Variants in ADCY5 observed in about 807,000 individuals in gnomAD.
The protein encoded by ADCY5 is adenylate cyclase 5, also known as adenylate cyclase type 5.
A neutral mutation model predicts 119.7 loss-of-function variants in ADCY5; 30 were observed. That is an observed-to-expected ratio of 0.25 (90% CI 0.19 to 0.34). ADCY5 has a LOEUF of 0.34. Among genes scored for constraint, ADCY5 ranks in the 10% least tolerant of loss-of-function variants. The probability of loss-of-function intolerance (pLI) is 1.00; values close to 1 mark genes in which losing one functional copy is unlikely to be tolerated. For synonymous variants in ADCY5, 753 were observed against 762.2 expected, an observed-to-expected ratio of 0.99 and a Z score of 0.20; for missense variants, 1,324 against 1,775.2, an observed-to-expected ratio of 0.75 and a Z score of 4.57.
At chr3:123,381,282 G>A (rs570838918) in intron 1 of ADCY5, among the ~76,000 whole-genome samples, 18 of 152,302 alleles carry the variant, frequency 1.2e-4, no homozygotes, top group African/African-American at 4.3e-4. Flanking sequence ...CAGGAGCTTG[G>A]CATCTGCTTC....
Position 123,408,654 on chromosome 3 carries a change from TA to T in ADCY5, c.1134+38757del, listed in dbSNP as rs1263526009. On this transcript the variant is annotated intron_variant, in intron 1 of 20. Coordinates refer to ENST00000462833, the MANE Select transcript of ADCY5 (RefSeq NM_183357.3). ...CTGGGCGACAGAGCAAGATTGCATC[TA>T]AAAAAAAAAAAAAGCAGACACAAAG... 6.1e-3 allele frequency among the ~76,000 whole-genome samples: 743 copies of T among 122,164 alleles called. 2 individuals are homozygous for T. Among genetic ancestry groups the T allele is most frequent in the East Asian group, 9.5e-3 (42 of 4,428 alleles). 80.1% of individuals were successfully genotyped at this position (122,164 alleles called of 152,430 possible).
intron 18 of ADCY5, among the ~76,000 whole-genome samples, chr3:123,290,391 G>A (rs368922466): frequency 3.3e-5 from 5 of 152,252 alleles, no homozygotes; most frequent in African/African-American, 1.2e-4. Context: ...ACTGCCCCGG[G>A]AGTCTTGCAG....
In ADCY5 at chr3:123,284,670, T is replaced by C. The variant is rs779498494; in HGVS notation, c.3724A>G (p.Lys1242Glu). The change falls in exon 21 of 21, where the codon AAG (lysine) becomes GAG (glutamate). Residue 1242 changes from lysine (K) to glutamate (E), a missense_variant. Around this residue, in one of 6 missense-constraint regions of ADCY5, gnomAD observed 178 missense variants for 329.6 expected, o/e 0.54. Transcript: ENST00000462833. ...ATCATCTCGCCTTTGCCCTTGACCT[T>C]GACCACGCCCCGGCACTCCAGCTGG... ...TYQLECRGVV[K>E]VKGKGEMMTY... is the part of the protein sequence containing the mutation. 11 of 1,614,206 alleles carry C rather than the reference T, an allele frequency of 6.8e-6. No homozygotes were observed. The highest frequency in any genetic ancestry group is 8.5e-6 in the Non-Finnish European group (10 of 1,180,034).
intron 3 of ADCY5, among the ~76,000 whole-genome samples, chr3:123,343,630 C>T (rs1430507926): frequency 7.2e-5 from 11 of 152,168 alleles, no homozygotes. Flanking sequence ...CTCCCCTCCC[C>T]AGGCAGAGCT....
rs1945880376 is a variant in ADCY5 at position 123,448,881 on chromosome 3, G to A, written c.-336C>T. 4.2e-6 allele frequency: 1 copy of A among 240,910 alleles called. No homozygotes were observed. Among genetic ancestry groups the A allele is most frequent in the Non-Finnish European group, 8.0e-6 (1 of 125,766 alleles). 14.9% of individuals were successfully genotyped at this position (240,910 alleles called of 1,614,324 possible). ...TCCTGGCTCGCGTCGAGCTCGACGA[G>A]GGCCGGAGTTGCGGACGAGACGGGA... On this transcript the variant is annotated 5_prime_UTR_variant, in exon 1 of 21. Transcript: ENST00000462833.
chr3:123,353,434 G>A (rs1942916885), intron 1 of ADCY5, among the ~76,000 whole-genome samples: 1 of 152,198 alleles, frequency 6.6e-6, no homozygotes, highest in African/African-American at 2.4e-5. Flanking sequence ...AGAGCTCCTG[G>A]ATATCTGAGT....
At chr3:123,287,635 A>G (rs1296019462) in intron 19 of ADCY5, among the ~76,000 whole-genome samples, 1 of 152,220 alleles carries the variant, frequency 6.6e-6, no homozygotes, top group African/African-American at 2.4e-5. Context: ...CTTGGTCAGC[A>G]ATGCCATCAG....
chr3:123,409,656 C>G (rs561028689), intron 1 of ADCY5, among the ~76,000 whole-genome samples: 2 of 152,328 alleles, frequency 1.3e-5, no homozygotes, highest in South Asian at 4.1e-4. Context: ...AATTATTGGG[C>G]TCCACCTCTG....
At chr3:123,328,061 C>A (rs527309451) in intron 6 of ADCY5, among the ~76,000 whole-genome samples, 1 of 152,306 alleles carries the variant, frequency 6.6e-6, no homozygotes, top group South Asian at 2.1e-4. Context: ...CACTCCTGCT[C>A]AGAAGCCAGC....
chr3:123,373,593 G>T (rs960803238), intron 1 of ADCY5, among the ~76,000 whole-genome samples: 2 of 152,236 alleles, frequency 1.3e-5, no homozygotes, highest in Admixed American at 6.5e-5. Flanking sequence ...ACAAAGGAGT[G>T]AGTCAGGTCC....
At chr3:123,310,167 C>T (rs973298986) in intron 12 of ADCY5, among the ~76,000 whole-genome samples, 2 of 149,592 alleles carry the variant, frequency 1.3e-5, no homozygotes, top group African/African-American at 4.9e-5. Context: ...CAGCTGAGTT[C>T]CCCCACAGGG....
At chr3:123,433,779 T>A (rs1042234665) in intron 1 of ADCY5, among the ~76,000 whole-genome samples, 1 of 152,130 alleles carries the variant, frequency 6.6e-6, no homozygotes, top group African/African-American at 2.4e-5. Flanking sequence ...CCTGTCCCAC[T>A]TATGCCACCA....
chr3:123,310,349 G>C (rs1940494680), intron 12 of ADCY5, among the ~76,000 whole-genome samples: 1 of 152,168 alleles, frequency 6.6e-6, no homozygotes, highest in African/African-American at 2.4e-5. Context: ...TTCACCGGAT[G>C]ATGAGGCAGG....
At chr3:123,291,734 A>G (rs1309806530) in intron 17 of ADCY5, among the ~76,000 whole-genome samples, 1 of 152,162 alleles carries the variant, frequency 6.6e-6, no homozygotes, top group East Asian at 1.9e-4. Flanking sequence ...TGGAAGGGAA[A>G]AGGATCCAAA....
intron 1 of ADCY5, among the ~76,000 whole-genome samples, chr3:123,445,941 G>C (rs912596958): frequency 6.6e-6 from 1 of 152,182 alleles, no homozygotes; most frequent in Non-Finnish European, 1.5e-5. Context: ...CTGTGCCTCT[G>C]ACTCTATTGT....
At position 123,284,222 on chromosome 3, in the gene ADCY5, G is replaced by A. The variant is rs181346430; in HGVS notation, c.*386C>T. 27 of 178,252 alleles carry A rather than the reference G, an allele frequency of 1.5e-4. No individual in the cohort carries two copies. The East Asian group carries it at 4.0e-3, about 27-fold the overall frequency. 11.0% of individuals were successfully genotyped at this position (178,252 alleles called of 1,614,324 possible). ...CCCTAGGCTCTCCCAGGCCACATTC[G>A]AGCCCGTCTACCCCCAGCTGAGTCG... On this transcript the variant is annotated 3_prime_UTR_variant, in exon 21 of 21. Transcript: ENST00000462833.
intron 1 of ADCY5, among the ~76,000 whole-genome samples, chr3:123,384,357 T>A (rs964327968): frequency 6.6e-6 from 1 of 152,166 alleles, no homozygotes; most frequent in Non-Finnish European, 1.5e-5. Flanking sequence ...ACCAAAAACA[T>A]GGAGCTACAG....
At chr3:123,395,046 A>G (rs1050037570) in intron 1 of ADCY5, among the ~76,000 whole-genome samples, 1 of 152,192 alleles carries the variant, frequency 6.6e-6, no homozygotes, top group Non-Finnish European at 1.5e-5. Context: ...GACCCTTTGG[A>G]CAGTCCCCAC....
Position 123,328,887 on chromosome 3 carries a change from T to C in ADCY5, c.1647-85A>G, listed in dbSNP as rs1009640473. 2.2e-5 allele frequency: 31 copies of C among 1,401,960 alleles called. No homozygotes were observed. The Admixed American group carries it at 3.5e-4, about 16-fold the overall frequency. 86.8% of individuals were successfully genotyped at this position (1,401,960 alleles called of 1,614,324 possible). A position where few individuals can be genotyped will look rare whatever the true frequency, so the allele number is the denominator to read the frequency against. Reference sequence around the variant, plus strand: ...GGTGAGGCTGCAGGTGCAGGGAAGGTGAAGGTGCGGGGGTCAAAGAGTCTT... The same window carrying C: ...GGTGAGGCTGCAGGTGCAGGGAAGGCGAAGGTGCGGGGGTCAAAGAGTCTT... On this transcript the variant is annotated intron_variant, in intron 5 of 20. Transcript: ENST00000462833.
Sources: gnomAD v4.1 joint callset for allele counts (sites outside exome capture counted in the v4.1 genomes callset) on GRCh38, gnomAD v4.1.1 for gene constraint, gnomAD v4.1.1 regional missense constraint, MANE v1.5 for transcripts, NCBI Gene and HGNC (gene_info 2026-07-23, HGNC 2026-07-21) for gene names.